Variants in SUZ12 observed in about 807,000 individuals in gnomAD.
SUZ12 encodes the protein polycomb protein SUZ12.
A neutral mutation model predicts 87.3 loss-of-function variants in SUZ12; 17 were observed. The ratio of observed to expected loss-of-function variants is 0.19; its 90% CI spans 0.13 to 0.29. SUZ12 has a LOEUF of 0.29. SUZ12 is among the 10% of genes least tolerant of loss of function. The probability of loss-of-function intolerance (pLI) is 1.00; values close to 1 mark genes in which losing one functional copy is unlikely to be tolerated. For synonymous variants in SUZ12, 253 were observed against 312.4 expected (o/e 0.81, Z 2.01); for missense variants, 526 against 912.2 (o/e 0.58, Z 5.45).
At chr17:31,996,913 A>T (rs1328087242) in intron 15 of SUZ12, 36 bp downstream of exon 15, 1 of 1,255,550 alleles carries the variant, frequency 8.0e-7, no homozygotes, top group African/African-American at 1.6e-5. Context: ...ATATTTTATT[A>T]TTCTTTATGG....
At chr17:31,983,184 A>C in intron 9 of SUZ12, 80 bp downstream of exon 9, 2 of 1,415,004 alleles carry the variant, frequency 1.4e-6, no homozygotes, top group Non-Finnish European at 1.9e-6. Context: ...CCAAATGCTA[A>C]TTCATGTTGG....
intron 9 of SUZ12, among the ~76,000 whole-genome samples, chr17:31,987,755 A>AC (rs1306161194): frequency 6.6e-6 from 1 of 151,992 alleles, no homozygotes; most frequent in Non-Finnish European, 1.5e-5. Context: ...AGATGATGAA[A>AC]CCCCGTCTCT....
chr17:31,938,151 TTTC>T, intron 1 of SUZ12, among the ~76,000 whole-genome samples: 1 of 152,296 alleles, frequency 6.6e-6, no homozygotes, highest in South Asian at 2.1e-4. Flanking sequence ...TACAGAACAT[TTTC>T]TTGCGTCAAT....
chr17:31,982,389 C>T (rs1268907226), intron 8 of SUZ12, among the ~76,000 whole-genome samples: 5 of 152,116 alleles, frequency 3.3e-5, no homozygotes, highest in Non-Finnish European at 4.4e-5. Flanking sequence ...GGGCTGGGCG[C>T]GGTGGTTCAC....
At chr17:31,972,357 A>G (rs533299424) in intron 5 of SUZ12, among the ~76,000 whole-genome samples, 11 of 144,516 alleles carry the variant, frequency 7.6e-5, no homozygotes, top group South Asian at 2.2e-4. Flanking sequence ...ATATATATAT[A>G]TGTGTATGTA....
chr17:31,994,717 T>C lies in SUZ12; in HGVS notation c.1591T>C (p.Cys531Arg), dbSNP rs774935742. The change falls in exon 13 of 16, where the codon TGC (cysteine) becomes CGC (arginine). Residue 531 changes from cysteine (C) to arginine (R), a missense_variant. Coordinates refer to ENST00000322652, the MANE Select transcript of SUZ12 (RefSeq NM_015355.4). ...AACACCTATCACACATATTCTTGTG[T>C]GCAGGTAGGTAAAAAGGGCATATAA... ...KRTPITHILV[C>R]RPKRTKASMS... is the part of the protein sequence containing the mutation. 14 of 1,612,442 alleles carry C rather than the reference T, an allele frequency of 8.7e-6. No homozygotes were observed. The Admixed American group carries it at 2.3e-4, about 27-fold the overall frequency.
At chr17:31,962,083 A>T (rs1421794515) in intron 4 of SUZ12, among the ~76,000 whole-genome samples, 1 of 152,200 alleles carries the variant, frequency 6.6e-6, no homozygotes, top group Non-Finnish European at 1.5e-5. Context: ...CTCTTGATTG[A>T]TTGGGTTTAG....
rs1230492368 is a variant in SUZ12, at chr17:32,000,763, T to A, written c.*1760T>A. ...ATTGTTTGCACAAAAAGTTGGTGAT[T>A]CCCACCCCAAATAGTAATAAAATTA... On this transcript the variant is annotated 3_prime_UTR_variant, in exon 16 of 16. Transcript: ENST00000322652. The A allele has an allele frequency of 4.3e-6, 1 of 231,148 alleles. No homozygotes were observed. The highest frequency in any genetic ancestry group is 2.2e-5 in the African/African-American group (1 of 45,216). The allele number at this position is 231,148 out of a possible 1,614,324, so 14.3% of individuals were successfully genotyped here. A position where few individuals can be genotyped will look rare whatever the true frequency, so the allele number is the denominator to read the frequency against.
chr17:31,984,137 G>GTAGTA (rs1409454812), intron 9 of SUZ12, among the ~76,000 whole-genome samples: 3 of 152,124 alleles, frequency 2.0e-5, no homozygotes, highest in African/African-American at 4.8e-5. Context: ...ACGATATACA[G>GTAGTA]TAGTACATAC....
At chr17:31,996,364 C>T (rs1386842741) in intron 14 of SUZ12, among the ~76,000 whole-genome samples, 1 of 152,266 alleles carries the variant, frequency 6.6e-6, no homozygotes, top group East Asian at 1.9e-4. Context: ...CCTGTAATCC[C>T]AACACTTTGG....
intron 4 of SUZ12, among the ~76,000 whole-genome samples, chr17:31,960,117 C>G (rs2957900): frequency 6.6e-6 from 1 of 152,098 alleles, no homozygotes; most frequent in African/African-American, 2.4e-5. Context: ...CAAGAGAGGG[C>G]AGAGGGAAGG....
chr17:31,937,413 C>T lies in SUZ12; in HGVS notation c.167C>T (p.Ser56Phe). 3 of 1,542,718 alleles carry T rather than the reference C, an allele frequency of 1.9e-6. No homozygotes were observed. The Admixed American group carries it at 5.9e-5, about 30-fold the overall frequency. Residue 56 changes from serine to phenylalanine, a missense_variant, in exon 1 of 16, where the codon TCC becomes TTC. Physicochemically the swap from Ser to Phe is radical, Grantham distance 155. This residue lies in a region of SUZ12 where 92 missense variants were observed against 109.9 expected (regional missense o/e 0.84). Coordinates refer to ENST00000322652, the MANE Select transcript of SUZ12 (RefSeq NM_015355.4). Reference sequence around the variant, plus strand: ...GGGGGTGGCAGTTACTCGGCCTCCTCCTCCTCCTCCGCGGCGGCAGCGGCG... The same window carrying T: ...GGGGGTGGCAGTTACTCGGCCTCCTTCTCCTCCTCCGCGGCGGCAGCGGCG... ...CGGGGSYSASSSSSAAAAAGA... is the reference protein window; with the variant it reads ...CGGGGSYSASFSSSAAAAAGA...
intron 4 of SUZ12, among the ~76,000 whole-genome samples, chr17:31,959,012 C>G (rs1030537066): frequency 3.9e-5 from 6 of 152,086 alleles, no homozygotes; most frequent in Admixed American, 2.0e-4. Context: ...AGGGAGACTC[C>G]GTCTCAAAAT....
At chr17:31,997,666 CAAAAAA>C (rs892389046) in intron 15 of SUZ12, among the ~76,000 whole-genome samples, 4 of 70,422 alleles carry the variant, frequency 5.7e-5, no homozygotes, top group Admixed American at 1.8e-4. Flanking sequence ...ACCCTATCTC[CAAAAAA>C]AAAAAAAAAA....
At chr17:31,940,868 G>A (rs867127114) in intron 3 of SUZ12, among the ~76,000 whole-genome samples, 3 of 151,796 alleles carry the variant, frequency 2.0e-5, no homozygotes, top group Admixed American at 6.6e-5. Context: ...AAATTAGCTG[G>A]GCGTGGTGGT....
At chr17:31,982,579 A>G (rs1478608451) in intron 8 of SUZ12, among the ~76,000 whole-genome samples, 2 of 152,124 alleles carry the variant, frequency 1.3e-5, no homozygotes, top group Non-Finnish European at 2.9e-5. Flanking sequence ...GAATCGCTTG[A>G]ACCTGGGCAG....
chr17:31,947,201 C>T (rs1252660884), intron 3 of SUZ12, among the ~76,000 whole-genome samples: 1 of 152,016 alleles, frequency 6.6e-6, no homozygotes, highest in Non-Finnish European at 1.5e-5. Flanking sequence ...GGCACTATGC[C>T]AGCACTGCAT....
chr17:31,998,516 TCA>T (rs1438601169), intron 15 of SUZ12, 140 bp from the exon 16 acceptor site: 2 of 591,130 alleles, frequency 3.4e-6, no homozygotes, highest in East Asian at 3.2e-5. Flanking sequence ...TGATTGAATT[TCA>T]GTTTCTCTAT....
At chr17:31,979,719 A>G (rs1169372391) in intron 8 of SUZ12, among the ~76,000 whole-genome samples, 2 of 152,180 alleles carry the variant, frequency 1.3e-5, no homozygotes, top group South Asian at 2.1e-4. Flanking sequence ...GCTGTTCACA[A>G]TATTTCTCCA....
Sources: gnomAD v4.1 joint callset for allele counts (sites outside exome capture counted in the v4.1 genomes callset) on GRCh38, gnomAD v4.1.1 for gene constraint, gnomAD v4.1.1 regional missense constraint, MANE v1.5 for transcripts, NCBI Gene and HGNC (gene_info 2026-07-23, HGNC 2026-07-21) for gene names.